Variants in TMEM132D observed in about 807,000 individuals in gnomAD.
TMEM132D encodes the protein mature OL transmembrane protein.
TMEM132D carries 21 observed loss-of-function variants against 62.3 expected under a neutral mutation model. That is an observed-to-expected ratio of 0.34 (90% CI 0.24 to 0.49). The LOEUF (loss-of-function observed/expected upper bound fraction) is 0.49. Among genes scored for constraint, TMEM132D ranks in the 20% least tolerant of loss-of-function variants. TMEM132D has a pLI of 0.99. For missense variants in TMEM132D, 1,346 were observed against 1,402.8 expected (o/e 0.96, Z 0.65); for synonymous variants, 621 against 575.6 (o/e 1.08, Z -1.13).
At chr12:129,416,034 GC>G (rs1311971355) in intron 3 of TMEM132D, among the ~76,000 whole-genome samples, 1 of 152,162 alleles carries the variant, frequency 6.6e-6, no homozygotes, top group African/African-American at 2.4e-5. Flanking sequence ...TGAGAATGAG[GC>G]CTTATTTGAA....
At chr12:129,283,592 A>G (rs1477576497) in intron 4 of TMEM132D, among the ~76,000 whole-genome samples, 1 of 152,212 alleles carries the variant, frequency 6.6e-6, no homozygotes. Context: ...CAAAGTATTG[A>G]ATGATTTTCA....
intron 6 of TMEM132D, among the ~76,000 whole-genome samples, chr12:129,083,027 C>T (rs1371990969): frequency 2.0e-5 from 3 of 152,220 alleles, no homozygotes; most frequent in South Asian, 2.1e-4. Context: ...GCCTGGCCAG[C>T]ATGTTGTTCT....
At chr12:129,162,445 T>C (rs1243776039) in intron 5 of TMEM132D, among the ~76,000 whole-genome samples, 1 of 152,148 alleles carries the variant, frequency 6.6e-6, no homozygotes, top group African/African-American at 2.4e-5. Context: ...AGCTGACAAA[T>C]ACAGTGAACA....
At chr12:129,412,749 A>G (rs1225708689) in intron 3 of TMEM132D, among the ~76,000 whole-genome samples, 2 of 152,148 alleles carry the variant, frequency 1.3e-5, no homozygotes, top group Admixed American at 6.5e-5. Flanking sequence ...GCTACTCAGG[A>G]GGCTGAGGCA....
At chr12:129,788,764 G>C (rs1157546498) in intron 1 of TMEM132D, among the ~76,000 whole-genome samples, 1 of 152,092 alleles carries the variant, frequency 6.6e-6, no homozygotes, top group Non-Finnish European at 1.5e-5. Context: ...CTCTGCTCTC[G>C]GGGAGTCAAG....
intron 3 of TMEM132D, among the ~76,000 whole-genome samples, chr12:129,340,762 A>C (rs111455724): frequency 6.6e-6 from 1 of 152,208 alleles, no homozygotes; most frequent in African/African-American, 2.4e-5. Context: ...GGATTATAAA[A>C]CATGCTGCTA....
At chr12:129,258,938 G>A (rs1446035600) in intron 4 of TMEM132D, among the ~76,000 whole-genome samples, 3 of 152,202 alleles carry the variant, frequency 2.0e-5, no homozygotes, top group African/African-American at 7.2e-5. Flanking sequence ...GGGTGTGCAT[G>A]AGTCATTGAG....
intron 1 of TMEM132D, among the ~76,000 whole-genome samples, chr12:129,763,512 A>C (rs575327414): frequency 6.6e-6 from 1 of 150,508 alleles, no homozygotes; most frequent in African/African-American, 2.4e-5. Context: ...ACTGATACTG[A>C]GCTATAAGGC....
chr12:129,312,107 A>T (rs547758406), intron 4 of TMEM132D, among the ~76,000 whole-genome samples: 1 of 152,226 alleles, frequency 6.6e-6, no homozygotes, highest in Non-Finnish European at 1.5e-5. Context: ...GAGACTTTTT[A>T]GACAGTGCAA....
chr12:129,556,986 A>T (rs11060432), intron 2 of TMEM132D, among the ~76,000 whole-genome samples: 38,281 of 152,174 alleles, frequency 0.25, 6,015 homozygotes, highest in Non-Finnish European at 0.35. Flanking sequence ...GTATATTGTA[A>T]CTATTGACAT....
intron 4 of TMEM132D, among the ~76,000 whole-genome samples, chr12:129,270,350 T>A (rs1880821006): frequency 6.6e-6 from 1 of 152,166 alleles, no homozygotes; most frequent in Non-Finnish European, 1.5e-5. Context: ...ACCACTTGAG[T>A]TTAAATTCTC....
At chr12:129,335,636 AC>A (rs554693288) in intron 4 of TMEM132D, among the ~76,000 whole-genome samples, 1 of 152,210 alleles carries the variant, frequency 6.6e-6, no homozygotes, top group African/African-American at 2.4e-5. Context: ...GAAAACAGGT[AC>A]TAAGATGAGG....
At chr12:129,709,099 G>C (rs1204675170) in intron 1 of TMEM132D, among the ~76,000 whole-genome samples, 1 of 152,130 alleles carries the variant, frequency 6.6e-6, no homozygotes, top group Admixed American at 6.5e-5. Flanking sequence ...AATTGACCAA[G>C]AGTTTTTTAA....
chr12:129,558,249 T>C (rs186487618), intron 2 of TMEM132D, among the ~76,000 whole-genome samples: 139 of 152,318 alleles, frequency 9.1e-4, no homozygotes, highest in African/African-American at 3.3e-3. Context: ...AAAGATCACA[T>C]TCTGGCTCAG....
rs577927486 is a variant in TMEM132D, at chr12:129,544,056, G to C, written c.969-12851C>G. On this transcript the variant is annotated intron_variant, in intron 2 of 8. Transcript: ENST00000422113. ...CATGTGCTCAATTTGTATAGAACTT[G>C]CGAAATTGACATTCAGAAAGATCCT... is the stretch of plus-strand genomic sequence containing the variant. 2.6e-5 allele frequency among the ~76,000 whole-genome samples: 4 copies of C among 152,266 alleles called. No individual in the cohort carries two copies. The South Asian group carries it at 8.3e-4, about 32-fold the overall frequency.
intron 8 of TMEM132D, among the ~76,000 whole-genome samples, chr12:129,078,279 A>T (rs897852081): frequency 6.6e-6 from 1 of 152,220 alleles, no homozygotes; most frequent in Non-Finnish European, 1.5e-5. Context: ...CCTGCCCCTT[A>T]ATGGCTTCTC....
chr12:129,241,998 G>A (rs1194924322), intron 4 of TMEM132D, among the ~76,000 whole-genome samples: 2 of 152,202 alleles, frequency 1.3e-5, no homozygotes, highest in African/African-American at 4.8e-5. Flanking sequence ...CTGTGTGTGA[G>A]AGCAAAATCC....
intron 3 of TMEM132D, among the ~76,000 whole-genome samples, chr12:129,501,677 G>C (rs1327555952): frequency 6.6e-6 from 1 of 151,752 alleles, no homozygotes. Flanking sequence ...GCCAACTTTT[G>C]TAATTTTTTG....
intron 3 of TMEM132D, among the ~76,000 whole-genome samples, chr12:129,457,432 G>T (rs1873508611): frequency 7.6e-6 from 1 of 131,368 alleles, no homozygotes; most frequent in Admixed American, 7.9e-5. Context: ...ACACACCGGG[G>T]CCTGTTGTGG....
Sources: gnomAD v4.1 joint callset for allele counts (sites outside exome capture counted in the v4.1 genomes callset) on GRCh38, gnomAD v4.1.1 for gene constraint, MANE v1.5 for transcripts, NCBI Gene and HGNC (gene_info 2026-07-23, HGNC 2026-07-21) for gene names.